ADAMTSL3: variants seen among roughly 807,000 people sequenced by gnomAD.
ADAMTSL3 encodes ADAMTS like 3, also known as ADAMTS-like protein 3.
ADAMTSL3 carries 128 observed loss-of-function variants against 201.7 expected under a neutral mutation model. The ratio of observed to expected loss-of-function variants is 0.63; its 90% CI spans 0.55 to 0.73. The LOEUF (loss-of-function observed/expected upper bound fraction) is 0.73. Among genes scored for constraint, ADAMTSL3 ranks in the 30% least tolerant of loss-of-function variants. The pLI is 0.00. For synonymous variants in ADAMTSL3, 738 were observed against 748.4 expected, an observed-to-expected ratio of 0.99 and a Z score of 0.23; for missense variants, 1,990 against 2,119.6, an observed-to-expected ratio of 0.94 and a Z score of 1.20.
At chr15:84,024,042 T>A (rs1253172677) in intron 26 of ADAMTSL3, among the ~76,000 whole-genome samples, 11 of 152,122 alleles carry the variant, frequency 7.2e-5, no homozygotes, top group South Asian at 4.2e-4. Flanking sequence ...GATCACGAGG[T>A]CAGGAGATCA....
At chr15:83,838,061 C>T in intron 6 of ADAMTSL3, 28 bp from the exon 7 acceptor site, 1 of 1,603,568 alleles carries the variant, frequency 6.2e-7, no homozygotes, top group Non-Finnish European at 8.5e-7. Flanking sequence ...GCTTTGGGCA[C>T]CACTGACTGC....
chr15:83,842,016 GACC>G (rs1466990398), intron 7 of ADAMTSL3, among the ~76,000 whole-genome samples: 8 of 151,366 alleles, frequency 5.3e-5, no homozygotes, highest in Admixed American at 2.6e-4. Context: ...TCCAGGGGAA[GACC>G]ACCTTCCCAC....
intron 13 of ADAMTSL3, among the ~76,000 whole-genome samples, chr15:83,894,996 A>G (rs372602353): frequency 3.2e-4 from 48 of 152,206 alleles, no homozygotes; most frequent in Admixed American, 6.5e-4. Flanking sequence ...GTGTTCAGCA[A>G]TGATTTTATT....
intron 6 of ADAMTSL3, among the ~76,000 whole-genome samples, chr15:83,827,585 C>T (rs1284751822): frequency 2.6e-5 from 4 of 152,104 alleles, no homozygotes; most frequent in Non-Finnish European, 5.9e-5. Context: ...AAGTCCTTAC[C>T]CATGCCTATG....
In ADAMTSL3 at chr15:84,037,901, A is replaced by G. The variant is rs1406399310; in HGVS notation, c.*95A>G. ...CTGATTCAAAAACATGTATTTCTTA[A>G]AAGACTAGATTCTATGGATCAAACA... On this transcript the variant is annotated 3_prime_UTR_variant, in exon 30 of 30. Transcript: ENST00000286744. 20 of 1,474,028 alleles carry G rather than the reference A, an allele frequency of 1.4e-5. No individual in the cohort carries two copies. Among genetic ancestry groups the G allele is most frequent in the Non-Finnish European group, 1.6e-5 (18 of 1,112,730 alleles). 91.3% of individuals were successfully genotyped at this position (1,474,028 alleles called of 1,614,324 possible).
intron 22 of ADAMTSL3, among the ~76,000 whole-genome samples, chr15:83,989,934 T>C (rs1305566630): frequency 6.6e-6 from 1 of 152,230 alleles, no homozygotes; most frequent in East Asian, 1.9e-4. Context: ...TCTCATAAAG[T>C]GGGAAGTCAG....
At chr15:83,893,816 A>C (rs73441330) in intron 13 of ADAMTSL3, among the ~76,000 whole-genome samples, 39 of 152,330 alleles carry the variant, frequency 2.6e-4, no homozygotes, top group African/African-American at 8.7e-4. Context: ...AAGATGAAAA[A>C]TGCAGACATT....
At chr15:83,939,444 A>AT (rs1478916143) in intron 17 of ADAMTSL3, among the ~76,000 whole-genome samples, 1 of 151,860 alleles carries the variant, frequency 6.6e-6, no homozygotes, top group Non-Finnish European at 1.5e-5. Context: ...TTTTGTAGGA[A>AT]TTTTTTCAGT....
chr15:83,745,198 G>A (rs2062525270), intron 3 of ADAMTSL3, among the ~76,000 whole-genome samples: 1 of 152,308 alleles, frequency 6.6e-6, no homozygotes, highest in South Asian at 2.1e-4. Context: ...CACCTTCCTG[G>A]TCCATCCCCT....
At chr15:83,954,111 A>G (rs2066807906) in intron 19 of ADAMTSL3, among the ~76,000 whole-genome samples, 1 of 152,150 alleles carries the variant, frequency 6.6e-6, no homozygotes, top group Admixed American at 6.5e-5. Flanking sequence ...CCCTTTGAAT[A>G]ATTTTTCTAC....
At chr15:83,807,928 T>A (rs535472988) in intron 5 of ADAMTSL3, among the ~76,000 whole-genome samples, 1 of 152,316 alleles carries the variant, frequency 6.6e-6, no homozygotes, top group South Asian at 2.1e-4. Context: ...GAAAATTGGA[T>A]ATCTATATGC....
intron 2 of ADAMTSL3, among the ~76,000 whole-genome samples, chr15:83,701,464 A>G (rs780616230): frequency 5.3e-5 from 8 of 152,270 alleles, no homozygotes; most frequent in Non-Finnish European, 1.0e-4. Context: ...AGTGATTCAG[A>G]TGCCAGGTAA....
intron 19 of ADAMTSL3, among the ~76,000 whole-genome samples, chr15:83,962,765 C>A (rs934749513): frequency 6.6e-6 from 1 of 152,206 alleles, no homozygotes; most frequent in Non-Finnish European, 1.5e-5. Flanking sequence ...CTGCAGCTCC[C>A]AGTGAGATCA....
Position 83,978,826 on chromosome 15 carries a change from C to T in ADAMTSL3, c.2645-3447C>T, listed in dbSNP as rs77284508. Reference sequence around the variant, plus strand: ...GGACCATCTGGGGCCACAAGGCCTGCCTTCCAGTAAATGGGCATGCAGCCA... The same window carrying T: ...GGACCATCTGGGGCCACAAGGCCTGTCTTCCAGTAAATGGGCATGCAGCCA... On this transcript the variant is annotated intron_variant, in intron 20 of 29. Transcript: ENST00000286744. Among the ~76,000 whole-genome samples the T allele has an allele frequency of 2.5e-3, 384 of 152,364 alleles. 2 individuals carry two copies. The highest frequency in any genetic ancestry group is 0.014 in the Middle Eastern group (4 of 294).
chr15:83,816,303 A>C (rs2063770201), intron 5 of ADAMTSL3, among the ~76,000 whole-genome samples: 1 of 152,160 alleles, frequency 6.6e-6, no homozygotes, highest in Admixed American at 6.5e-5. Flanking sequence ...TGCAATCGCA[A>C]ATTTCTGGGA....
chr15:84,036,905 T>C lies in ADAMTSL3; in HGVS notation c.4887T>C (p.Ser1629=), dbSNP rs747001029. The stretch of plus-strand genomic sequence containing the variant: ...AAGTCGACTGTATCCACACAAGGAG[T>C]TGCAAACCTGTGGCCAAGAGACACT... ...SRKVDCIHTR[S]CKPVAKRHCV... Residue 1629 remains serine (S), a synonymous_variant, in exon 29 of 30, where the codon AGT becomes AGC. Transcript: ENST00000286744. 1.9e-6 allele frequency: 3 copies of C among 1,613,422 alleles called. No homozygotes were observed. In the East Asian group the frequency reaches 6.7e-5, roughly 36 times the overall value.
intron 3 of ADAMTSL3, chr15:83,739,951 G>A (rs1278701376): frequency 3.8e-6 from 2 of 532,154 alleles, no homozygotes; most frequent in East Asian, 4.9e-5. Context: ...CAGTGAGATG[G>A]GTACTGGCAA....
chr15:83,799,744 A>G (rs1362708095), intron 4 of ADAMTSL3, among the ~76,000 whole-genome samples: 1 of 152,230 alleles, frequency 6.6e-6, no homozygotes, highest in African/African-American at 2.4e-5. Flanking sequence ...TGTAATGGAT[A>G]GAAAATACAT....
At chr15:83,783,777 G>T (rs17158643) in intron 4 of ADAMTSL3, among the ~76,000 whole-genome samples, 2,291 of 151,462 alleles carry the variant, frequency 0.015, 69 homozygotes, top group African/African-American at 0.053. Context: ...GGTGCAAGCT[G>T]CCATTTAAGA....
Sources: gnomAD v4.1 joint callset for allele counts (sites outside exome capture counted in the v4.1 genomes callset) on GRCh38, gnomAD v4.1.1 for gene constraint, MANE v1.5 for transcripts, NCBI Gene and HGNC (gene_info 2026-07-23, HGNC 2026-07-21) for gene names.